Variants in PUS10 observed in about 807,000 individuals in gnomAD.
PUS10 encodes the protein pseudouridine synthase 10.
PUS10 carries 59 observed loss-of-function variants against 75.0 expected under a neutral mutation model. That is an observed-to-expected ratio of 0.79 (90% CI 0.64 to 0.98). The LOEUF (loss-of-function observed/expected upper bound fraction) is 0.98, where lower values mean the gene tolerates loss of function less well. PUS10 is among the 50% of genes least tolerant of loss of function. PUS10 has a pLI of 0.00. For synonymous variants in PUS10, 219 were observed against 211.6 expected (o/e 1.03, Z -0.30); for missense variants, 650 against 614.4 (o/e 1.06, Z -0.61).
chr2:61,007,149 T>A (rs1463307332), intron 3 of PUS10, among the ~76,000 whole-genome samples: 1 of 151,756 alleles, frequency 6.6e-6, no homozygotes, highest in African/African-American at 2.4e-5. Flanking sequence ...CTGAAATACA[T>A]GAATACACAT....
At position 61,013,583 on chromosome 2, in the gene PUS10, C is replaced by T. The variant is rs115167674; in HGVS notation, c.-15-1678G>A. Among the ~76,000 whole-genome samples the T allele has an allele frequency of 3.2e-3, 480 of 152,286 alleles. 1 individual carries two copies. The highest frequency in any genetic ancestry group is 5.1e-3 in the Non-Finnish European group (346 of 68,016). ...ACATAAACGTGTATGCCTTTTCTCC[C>T]ATTAATCAATTTGCCTCATGTCAGT... On this transcript the variant is annotated intron_variant, in intron 1 of 17. Coordinates refer to ENST00000316752, the MANE Select transcript of PUS10 (RefSeq NM_144709.4).
At chr2:61,006,474 A>T (rs936764349) in intron 4 of PUS10, 83 bp downstream of exon 4, 16 of 990,058 alleles carry the variant, frequency 1.6e-5, no homozygotes, top group Non-Finnish European at 2.3e-5. Context: ...ATAATAGAGT[A>T]AGGAATATTT....
At chr2:61,013,027 T>A in intron 1 of PUS10, among the ~76,000 whole-genome samples, 1 of 149,428 alleles carries the variant, frequency 6.7e-6, no homozygotes, top group African/African-American at 2.5e-5. Flanking sequence ...AAGTAGGAGG[T>A]TCACTTGAGG....
chr2:60,987,091 T>C (rs542738983), intron 4 of PUS10, among the ~76,000 whole-genome samples: 33 of 152,382 alleles, frequency 2.2e-4, no homozygotes, highest in Non-Finnish European at 3.8e-4. Flanking sequence ...TCTTTCCAAA[T>C]TTTCTAGTTT....
chr2:60,942,317 A>C lies in PUS10; in HGVS notation c.*78T>G. On this transcript the variant is annotated 3_prime_UTR_variant, in exon 18 of 18. Transcript: ENST00000316752. The stretch of plus-strand genomic sequence containing the variant: ...CAAGACACCGTTATGGTGGGTAAAC[A>C]GCCATTTTACGGCATGTGCTCCATG... 1 of 1,150,148 alleles carries C rather than the reference A, an allele frequency of 8.7e-7. No homozygotes were observed. Among genetic ancestry groups the C allele is most frequent in the Non-Finnish European group, 1.3e-6 (1 of 756,726 alleles). The allele number at this position is 1,150,148 out of a possible 1,614,324, so 71.2% of individuals were successfully genotyped here.
Position 60,983,300 on chromosome 2 carries a change from A to C in PUS10, c.469-11743T>G, listed in dbSNP as rs867748960. On this transcript the variant is annotated intron_variant, in intron 4 of 17. Transcript: ENST00000316752. ...AGTTTACTTGACTACAAAATAGATA[A>C]AAGGAGAAAAATATAATTATTACAA... Among the ~76,000 whole-genome samples, 25 of 152,358 alleles carry C rather than the reference A, an allele frequency of 1.6e-4. No individual in the cohort carries two copies. The South Asian group carries it at 2.9e-3, about 18-fold the overall frequency.
At chr2:60,982,604 A>C (rs55993300) in intron 4 of PUS10, among the ~76,000 whole-genome samples, 2,455 of 152,276 alleles carry the variant, frequency 0.016, 77 homozygotes, top group African/African-American at 0.056. Context: ...TGAAAAAGTA[A>C]TAAAGACCTA....
chr2:60,943,486 A>ACC (rs761682833), intron 17 of PUS10, among the ~76,000 whole-genome samples: 4 of 144,868 alleles, frequency 2.8e-5, no homozygotes, highest in African/African-American at 1.0e-4. Flanking sequence ...AAAAAAAAAA[A>ACC]CCCACCGTAT....
chr2:60,988,698 C>A (rs980687350), intron 4 of PUS10, among the ~76,000 whole-genome samples: 2 of 152,132 alleles, frequency 1.3e-5, no homozygotes, highest in African/African-American at 4.8e-5. Flanking sequence ...TGCAACGGTG[C>A]AATCTCGGCT....
At chr2:61,005,932 G>A (rs1679180750) in intron 4 of PUS10, among the ~76,000 whole-genome samples, 2 of 152,118 alleles carry the variant, frequency 1.3e-5, no homozygotes, top group African/African-American at 4.8e-5. Context: ...AATATGCTTA[G>A]AACCCATGGT....
Position 60,948,062 on chromosome 2 carries a change from AGTGGAGGCGGAAGTG to A in PUS10, c.1417_1431del (p.His473_His477del). 6.2e-7 allele frequency: 1 copy of A among 1,614,108 alleles called. No individual in the cohort carries two copies. The highest frequency in any genetic ancestry group is 8.5e-7 in the Non-Finnish European group (1 of 1,180,002). ...GGATACGTGCCAGCCTGAGTTTTCAAGTGGAGGCGGAAGTGGTGCTCATCCACGTACTGTGTCTCC... is the reference window on the plus strand; with the variant it reads ...GGATACGTGCCAGCCTGAGTTTTCAAGTGCTCATCCACGTACTGTGTCTCC... On this transcript the variant is annotated inframe_deletion, in exon 16 of 18. Coordinates refer to ENST00000316752, the MANE Select transcript of PUS10 (RefSeq NM_144709.4).
chr2:60,955,452 C>T (rs970349308), intron 11 of PUS10, among the ~76,000 whole-genome samples: 1 of 152,096 alleles, frequency 6.6e-6, no homozygotes, highest in Non-Finnish European at 1.5e-5. Context: ...GTCTCAGCCT[C>T]CCAAGTAGCT....
intron 4 of PUS10, among the ~76,000 whole-genome samples, chr2:60,988,248 T>C (rs1406620711): frequency 6.6e-6 from 1 of 152,178 alleles, no homozygotes; most frequent in Non-Finnish European, 1.5e-5. Context: ...CTCCATTACA[T>C]AACCTTAAAA....
rs952346177 is a variant in PUS10, at chr2:61,013,016, G to T, written c.-15-1111C>A. Among the ~76,000 whole-genome samples, 3 of 150,820 alleles carry T rather than the reference G, an allele frequency of 2.0e-5. No homozygotes were observed. The East Asian group carries it at 5.8e-4, about 29-fold the overall frequency. On this transcript the variant is annotated intron_variant, in intron 1 of 17. Coordinates refer to ENST00000316752, the MANE Select transcript of PUS10 (RefSeq NM_144709.4). ...CTCACCACTTTGTGGTTGTGGGGCC[G>T]AAGTAGGAGGTTCACTTGAGGCCAG...
chr2:60,962,136 G>A (rs1020609539), intron 9 of PUS10, among the ~76,000 whole-genome samples: 1 of 152,170 alleles, frequency 6.6e-6, no homozygotes. Flanking sequence ...AACGATACTA[G>A]GAAATACAGG....
Position 60,948,011 on chromosome 2 carries a change from C to A in PUS10, c.1451+32G>T. On this transcript the variant is annotated intron_variant, in intron 16 of 17. Transcript: ENST00000316752. The stretch of plus-strand genomic sequence containing the variant: ...GAACTTTTCCAATAGAGTTCTGGTT[C>A]GATGGCGGCAGTGCAGCAGGTGGAA... The A allele has an allele frequency of 1.9e-6, 3 of 1,612,960 alleles. No individual in the cohort carries two copies. The South Asian group carries it at 3.3e-5, about 18-fold the overall frequency.
chr2:61,017,774 G>A (rs1680105109), intron 1 of PUS10: 1 of 1,549,668 alleles, frequency 6.5e-7, no homozygotes, highest in Non-Finnish European at 8.7e-7. Context: ...CGTCCCAGCC[G>A]CCACCTCCCC....
rs1418123922 is a variant in PUS10, at chr2:60,948,118, C to T, written c.1376G>A (p.Arg459His). 5.6e-6 allele frequency: 9 copies of T among 1,614,070 alleles called. No individual in the cohort carries two copies. The highest frequency in any genetic ancestry group is 7.6e-6 in the Non-Finnish European group (9 of 1,180,008). ...LHRRPLAVRA[R>H]VIHFMETQYV... Reference sequence around the variant, plus strand: ...CTGTGTCTCCATGAAGTGAATGACGCGAGCTCGCACAGCCAGGGGCCTTCG... The same window carrying T: ...CTGTGTCTCCATGAAGTGAATGACGTGAGCTCGCACAGCCAGGGGCCTTCG... The change falls in exon 16 of 18, where the codon CGC (arginine) becomes CAC (histidine). Residue 459 changes from arginine to histidine, a missense_variant. By Grantham distance (29) the Arg-to-His change is conservative. Coordinates refer to ENST00000316752, the MANE Select transcript of PUS10 (RefSeq NM_144709.4).
chr2:60,942,438 A>T lies in PUS10; in HGVS notation c.1552-5T>A. ...TGGCCAGTCAACATCTACAGACTAG[A>T]AGGGAGAAAAGAAGTCATTAAAACA... On this transcript the variant is annotated splice_polypyrimidine_tract_variant and splice_region_variant and intron_variant, in intron 17 of 17. Coordinates refer to ENST00000316752, the MANE Select transcript of PUS10 (RefSeq NM_144709.4). The T allele has an allele frequency of 6.2e-7, 1 of 1,610,182 alleles. No homozygotes were observed. Among genetic ancestry groups the T allele is most frequent in the Non-Finnish European group, 8.5e-7 (1 of 1,176,436 alleles).
Sources: gnomAD v4.1 joint callset for allele counts (sites outside exome capture counted in the v4.1 genomes callset) on GRCh38, gnomAD v4.1.1 for gene constraint, MANE v1.5 for transcripts, NCBI Gene and HGNC (gene_info 2026-07-23, HGNC 2026-07-21) for gene names.